P2RY14: variants seen among roughly 807,000 people sequenced by gnomAD.
The protein encoded by P2RY14 is P2Y purinoceptor 14.
A neutral mutation model predicts 0.9 loss-of-function variants in P2RY14; 2 were observed. The ratio of observed to expected loss-of-function variants is 2.16; its 90% CI spans 0.88 to 6.79. P2RY14 has a LOEUF of 6.79. Ranked by LOEUF, P2RY14 falls within the 30% of genes most tolerant of loss-of-function variation. The pLI is 0.05. For missense variants in P2RY14, 378 were observed against 400.1 expected (o/e 0.94, Z 0.47); for synonymous variants, 158 against 147.2 (o/e 1.07, Z -0.53).
intron 1 of P2RY14, among the ~76,000 whole-genome samples, chr3:151,236,244 T>C (rs867908170): frequency 6.6e-6 from 1 of 152,252 alleles, no homozygotes; most frequent in Non-Finnish European, 1.5e-5. Flanking sequence ...TTTCCTTAAC[T>C]GTCAAATGAT....
At chr3:151,222,789 T>C (rs2149275403) in intron 1 of P2RY14, among the ~76,000 whole-genome samples, 1 of 152,336 alleles carries the variant, frequency 6.6e-6, no homozygotes, top group African/African-American at 2.4e-5. Context: ...CCAGATCCTG[T>C]GCCCAGGAGA....
chr3:151,271,896 G>T (rs1741019364), intron 1 of P2RY14, among the ~76,000 whole-genome samples: 1 of 152,120 alleles, frequency 6.6e-6, no homozygotes, highest in Non-Finnish European at 1.5e-5. Context: ...TTTTTGTGAT[G>T]GAAATACTAT....
chr3:151,243,682 T>A (rs1386547784), intron 1 of P2RY14, among the ~76,000 whole-genome samples: 1 of 151,888 alleles, frequency 6.6e-6, no homozygotes, highest in Non-Finnish European at 1.5e-5. Flanking sequence ...GTAAAGACCA[T>A]CAAGACTAGG....
chr3:151,248,180 A>G (rs894052056), intron 1 of P2RY14, among the ~76,000 whole-genome samples: 4 of 152,058 alleles, frequency 2.6e-5, no homozygotes, highest in Admixed American at 2.0e-4. Context: ...GCTCAGAGGA[A>G]GCAATCAGAA....
chr3:151,251,505 G>A (rs73157938), intron 1 of P2RY14, among the ~76,000 whole-genome samples: 16,708 of 152,036 alleles, frequency 0.11, 1,231 homozygotes, highest in Middle Eastern at 0.17. Flanking sequence ...CCACTCACCC[G>A]TGAGAGGAAT....
At chr3:151,257,410 A>C (rs899593795) in intron 1 of P2RY14, among the ~76,000 whole-genome samples, 13 of 152,254 alleles carry the variant, frequency 8.5e-5, no homozygotes, top group Non-Finnish European at 1.8e-4. Flanking sequence ...TGTCTCCAGA[A>C]TAGATTGCCT....
intron 1 of P2RY14, among the ~76,000 whole-genome samples, chr3:151,229,806 A>G (rs1485774042): frequency 6.6e-6 from 1 of 151,996 alleles, no homozygotes; most frequent in Admixed American, 6.5e-5. Flanking sequence ...TATTAACTAG[A>G]GCATGCAACA....
At chr3:151,257,856 T>C (rs1167771743) in intron 1 of P2RY14, among the ~76,000 whole-genome samples, 1 of 152,222 alleles carries the variant, frequency 6.6e-6, no homozygotes, top group Non-Finnish European at 1.5e-5. Flanking sequence ...CAAATTTTTA[T>C]ATTCCAAGTT....
intron 1 of P2RY14, among the ~76,000 whole-genome samples, chr3:151,251,562 T>C (rs908379072): frequency 3.3e-5 from 5 of 152,194 alleles, no homozygotes; most frequent in African/African-American, 1.2e-4. Flanking sequence ...GGGTCTCTAA[T>C]ACTTAAAAGA....
intron 1 of P2RY14, among the ~76,000 whole-genome samples, chr3:151,221,974 G>T (rs1036338622): frequency 2.0e-5 from 3 of 152,230 alleles, no homozygotes; most frequent in Non-Finnish European, 4.4e-5. Context: ...CAAAGCCACA[G>T]GGGTGGAGCT....
intron 2 of P2RY14, among the ~76,000 whole-genome samples, chr3:151,216,154 G>C (rs1205920450): frequency 6.6e-6 from 1 of 151,974 alleles, no homozygotes; most frequent in Admixed American, 6.6e-5. Flanking sequence ...TTTTACTCTT[G>C]AATTCTTTGC....
chr3:151,248,275 T>A (rs1196847865), intron 1 of P2RY14, among the ~76,000 whole-genome samples: 1 of 152,146 alleles, frequency 6.6e-6, no homozygotes, highest in African/African-American at 2.4e-5. Context: ...CCTATTTCTT[T>A]CCTTTGAAAA....
At chr3:151,258,817 A>T (rs1364542772) in intron 1 of P2RY14, among the ~76,000 whole-genome samples, 2 of 143,882 alleles carry the variant, frequency 1.4e-5, no homozygotes, top group African/African-American at 5.2e-5. Context: ...GTGCCACTGC[A>T]CTCCAGCCTG....
At chr3:151,249,897 C>T (rs1736497586) in intron 1 of P2RY14, among the ~76,000 whole-genome samples, 1 of 152,156 alleles carries the variant, frequency 6.6e-6, no homozygotes, top group African/African-American at 2.4e-5. Flanking sequence ...TGAATTCATC[C>T]AGTTTAGGGC....
intron 1 of P2RY14, among the ~76,000 whole-genome samples, chr3:151,223,881 G>A (rs929199176): frequency 9.2e-5 from 14 of 152,212 alleles, no homozygotes; most frequent in African/African-American, 3.1e-4. Flanking sequence ...GGGGAGGGAA[G>A]TAGGAGCAAG....
At chr3:151,250,139 C>T (rs1167317599) in intron 1 of P2RY14, among the ~76,000 whole-genome samples, 1 of 152,186 alleles carries the variant, frequency 6.6e-6, no homozygotes, top group Non-Finnish European at 1.5e-5. Flanking sequence ...TTCCCATTCA[C>T]TCTGTAATCT....
At chr3:151,229,948 C>T (rs1357556347) in intron 1 of P2RY14, among the ~76,000 whole-genome samples, 1 of 151,948 alleles carries the variant, frequency 6.6e-6, no homozygotes, top group South Asian at 2.1e-4. Context: ...CCTAGGCTCA[C>T]ATGTTGGGAT....
At chr3:151,242,316 G>T (rs1734327078) in intron 1 of P2RY14, among the ~76,000 whole-genome samples, 1 of 152,220 alleles carries the variant, frequency 6.6e-6, no homozygotes, top group Non-Finnish European at 1.5e-5. Context: ...CCACCTCTGG[G>T]GGCAGGGCAC....
rs1727364412 is a variant in P2RY14, at chr3:151,212,660, C to T, written c.*640G>A. The T allele has an allele frequency of 6.6e-6, 1 of 151,774 alleles. No individual in the cohort carries two copies. Among genetic ancestry groups the T allele is most frequent in the South Asian group, 2.1e-4 (1 of 4,800 alleles). 9.4% of individuals were successfully genotyped at this position (151,774 alleles called of 1,614,324 possible). On this transcript the variant is annotated 3_prime_UTR_variant, in exon 3 of 3. Coordinates refer to ENST00000309170, the MANE Select transcript of P2RY14 (RefSeq NM_014879.4). Reference sequence around the variant, plus strand: ...AACATATTTAGCATGTATCTAATATCCTCAAAGTGCTATCAGAAAAAAAAA... The same window carrying T: ...AACATATTTAGCATGTATCTAATATTCTCAAAGTGCTATCAGAAAAAAAAA...
Sources: allele counts gnomAD v4.1 joint callset (sites outside exome capture counted in the v4.1 genomes callset), GRCh38; gene constraint gnomAD v4.1.1; transcripts MANE v1.5; gene names NCBI Gene and HGNC (gene_info 2026-07-23, HGNC 2026-07-21).